TCF7L1: variants seen among roughly 807,000 people sequenced by gnomAD.
TCF7L1 encodes transcription factor 7 like 1.
In TCF7L1, 18 loss-of-function variants were observed where a neutral mutation model predicts 63.7. The observed-to-expected ratio is 0.28, with a 90% CI of 0.20 to 0.42. The LOEUF (loss-of-function observed/expected upper bound fraction) is 0.42. Among genes scored for constraint, TCF7L1 ranks in the 10% least tolerant of loss-of-function variants. The pLI is 1.00. For synonymous variants in TCF7L1, 355 were observed against 340.9 expected (o/e 1.04, Z -0.46); for missense variants, 654 against 779.3 (o/e 0.84, Z 1.91).
At chr2:85,267,426 G>A (rs941678320) in intron 3 of TCF7L1, among the ~76,000 whole-genome samples, 6 of 151,718 alleles carry the variant, frequency 4.0e-5, no homozygotes, top group African/African-American at 1.5e-4. Context: ...GAGGCAGGTG[G>A]ATCACTTGAG....
At chr2:85,270,166 A>G (rs909880913) in intron 3 of TCF7L1, among the ~76,000 whole-genome samples, 1 of 152,202 alleles carries the variant, frequency 6.6e-6, no homozygotes, top group Non-Finnish European at 1.5e-5. Flanking sequence ...CACTGGCCCC[A>G]GATAAGCGCT....
At position 85,243,280 on chromosome 2, in the gene TCF7L1, C is replaced by G. The variant is rs146043551; in HGVS notation, c.442-40215C>G. On this transcript the variant is annotated intron_variant, in intron 3 of 11. Coordinates refer to ENST00000282111, the MANE Select transcript of TCF7L1 (RefSeq NM_031283.3). ...AACAGCCTGGTGTTCCCAGCCGTCA[C>G]CCAGAGGTGGGAGCAGATCCGGCTG... Among the ~76,000 whole-genome samples, 319 of 152,284 alleles carry G rather than the reference C, an allele frequency of 2.1e-3. 2 individuals carry two copies. Among genetic ancestry groups the G allele is most frequent in the African/African-American group, 7.4e-3 (309 of 41,548 alleles).
intron 4 of TCF7L1, among the ~76,000 whole-genome samples, chr2:85,286,167 G>A (rs1478691546): frequency 6.8e-6 from 1 of 147,934 alleles, no homozygotes; most frequent in Non-Finnish European, 1.5e-5. Context: ...CCCCAGCCTG[G>A]GCAGCAAGAG....
chr2:85,194,906 A>G (rs1267969305), intron 3 of TCF7L1, among the ~76,000 whole-genome samples: 1 of 152,242 alleles, frequency 6.6e-6, no homozygotes, highest in East Asian at 1.9e-4. Flanking sequence ...GTGTGAAAAT[A>G]ATACATGAGT....
At chr2:85,187,015 C>G (rs1678942066) in intron 3 of TCF7L1, among the ~76,000 whole-genome samples, 1 of 152,150 alleles carries the variant, frequency 6.6e-6, no homozygotes, top group African/African-American at 2.4e-5. Flanking sequence ...TGAACATACT[C>G]CGTCCCCTGC....
intron 3 of TCF7L1, among the ~76,000 whole-genome samples, chr2:85,183,605 A>T (rs1678852220): frequency 6.6e-6 from 1 of 152,142 alleles, no homozygotes; most frequent in Admixed American, 6.5e-5. Context: ...TAAGCATGTC[A>T]TATATAGTTC....
At chr2:85,198,935 G>A (rs1679215969) in intron 3 of TCF7L1, among the ~76,000 whole-genome samples, 1 of 152,218 alleles carries the variant, frequency 6.6e-6, no homozygotes, top group Admixed American at 6.5e-5. Flanking sequence ...GCTTCCCAGA[G>A]ATAAGTAGGT....
intron 3 of TCF7L1, among the ~76,000 whole-genome samples, chr2:85,178,108 G>A (rs891516774): frequency 6.6e-6 from 1 of 152,160 alleles, no homozygotes; most frequent in Admixed American, 6.5e-5. Context: ...GAAAAAAATG[G>A]TATGAGGTAG....
At position 85,169,946 on chromosome 2, in the gene TCF7L1, G is replaced by C. The variant is rs187106286; in HGVS notation, c.441+35496G>C. On this transcript the variant is annotated intron_variant, in intron 3 of 11. Transcript: ENST00000282111. Reference sequence around the variant, plus strand: ...CACAAGATAGTTAAACTCATTTTGAGATAATTGTGAAAGATCCAAATTGAA... The same window carrying C: ...CACAAGATAGTTAAACTCATTTTGACATAATTGTGAAAGATCCAAATTGAA... Among the ~76,000 whole-genome samples, 4 of 152,352 alleles carry C rather than the reference G, an allele frequency of 2.6e-5. No homozygotes were observed. The East Asian group carries it at 7.7e-4, about 29-fold the overall frequency.
At chr2:85,200,435 A>G (rs1178842539) in intron 3 of TCF7L1, among the ~76,000 whole-genome samples, 6 of 152,234 alleles carry the variant, frequency 3.9e-5, no homozygotes, top group Non-Finnish European at 8.8e-5. Flanking sequence ...AAAGTAAGCT[A>G]AAGAAAAGGA....
rs765356226 is a variant in TCF7L1, at chr2:85,309,018, T to C, written c.1334-11T>C. 1 of 1,574,410 alleles carries C rather than the reference T, an allele frequency of 6.4e-7. No homozygotes were observed. On this transcript the variant is annotated splice_polypyrimidine_tract_variant and intron_variant, in intron 11 of 11. Transcript: ENST00000282111. ...TATAGCTGCTCACTCTTTCTTGTATTTTCCCCCTAGGTGCCCTGGCCTCCA... is the reference window on the plus strand; with the variant it reads ...TATAGCTGCTCACTCTTTCTTGTATCTTCCCCCTAGGTGCCCTGGCCTCCA...
intron 3 of TCF7L1, among the ~76,000 whole-genome samples, chr2:85,272,432 A>C (rs978877705): frequency 2.2e-4 from 33 of 152,192 alleles, no homozygotes; most frequent in African/African-American, 7.7e-4. Context: ...TTGGGTGACT[A>C]TGCTTCCAGA....
chr2:85,227,992 CAAAAA>C (rs34769307), intron 3 of TCF7L1, among the ~76,000 whole-genome samples: 83 of 79,520 alleles, frequency 1.0e-3, no homozygotes, highest in African/African-American at 3.8e-3. Context: ...ACCCTGTCTC[CAAAAA>C]AAAAAAAAAA....
rs79501977 is a variant in TCF7L1, at chr2:85,185,823, G to A, written c.441+51373G>A. On this transcript the variant is annotated intron_variant, in intron 3 of 11. Transcript: ENST00000282111. ...TCAGAACTGGGAGGGCCCTCACTGT[G>A]CGGGTAGCCCCATGTTGGTGGAGGC... Among the ~76,000 whole-genome samples the A allele has an allele frequency of 4.8e-3, 734 of 152,230 alleles. 6 individuals carry two copies. Among genetic ancestry groups the A allele is most frequent in the African/African-American group, 0.017 (687 of 41,524 alleles).
intron 3 of TCF7L1, among the ~76,000 whole-genome samples, chr2:85,151,029 G>A (rs2104205058): frequency 6.6e-6 from 1 of 152,286 alleles, no homozygotes; most frequent in Non-Finnish European, 1.5e-5. Context: ...TAAATAAGGT[G>A]AAAGTATGAG....
Position 85,305,119 on chromosome 2 carries a change from G to A in TCF7L1, c.846-141G>A, listed in dbSNP as rs868067215. ...TCCCAAACCTGGTTTTCTAGAAGACGACAAATAGCCTTCTAGTCCTGAGAC... is the reference window on the plus strand; with the variant it reads ...TCCCAAACCTGGTTTTCTAGAAGACAACAAATAGCCTTCTAGTCCTGAGAC... On this transcript the variant is annotated intron_variant, in intron 7 of 11. Transcript: ENST00000282111. 54 of 1,151,508 alleles carry A rather than the reference G, an allele frequency of 4.7e-5. No individual in the cohort carries two copies. In the Middle Eastern group the frequency reaches 2.6e-3, roughly 55 times the overall value. The allele number at this position is 1,151,508 out of a possible 1,614,324, so 71.3% of individuals were successfully genotyped here. A position where few individuals can be genotyped will look rare whatever the true frequency, so the allele number is the denominator to read the frequency against.
chr2:85,290,097 G>GCCTC (rs1246017144), intron 4 of TCF7L1, among the ~76,000 whole-genome samples: 1 of 151,562 alleles, frequency 6.6e-6, no homozygotes, highest in African/African-American at 2.4e-5. Flanking sequence ...CCCTGCCTCA[G>GCCTC]CCTCCCAAGT....
intron 3 of TCF7L1, among the ~76,000 whole-genome samples, chr2:85,270,645 G>A (rs779375276): frequency 2.0e-5 from 3 of 152,114 alleles, no homozygotes; most frequent in Non-Finnish European, 4.4e-5. Flanking sequence ...GACTGCTCCT[G>A]TGCCCCATAT....
chr2:85,159,137 G>C (rs1678222908), intron 3 of TCF7L1, among the ~76,000 whole-genome samples: 1 of 152,280 alleles, frequency 6.6e-6, no homozygotes, highest in South Asian at 2.1e-4. Context: ...TTCAGGAAAA[G>C]GGGAGTCTTG....
Sources: gnomAD v4.1 joint callset for allele counts (sites outside exome capture counted in the v4.1 genomes callset) on GRCh38, gnomAD v4.1.1 for gene constraint, MANE v1.5 for transcripts, NCBI Gene and HGNC (gene_info 2026-07-23, HGNC 2026-07-21) for gene names.